TRIM24: variants seen among roughly 807,000 people sequenced by gnomAD.
TRIM24 encodes the protein tripartite motif containing 24, also known as transcription intermediary factor 1-alpha.
TRIM24 carries 29 observed loss-of-function variants against 123.9 expected under a neutral mutation model. The observed-to-expected ratio is 0.23, with a 90% CI of 0.17 to 0.32. The LOEUF (loss-of-function observed/expected upper bound fraction) is 0.32, where lower values mean the gene tolerates loss of function less well. TRIM24 is among the 10% of genes least tolerant of loss of function. The pLI, the probability that TRIM24 is intolerant of heterozygous loss-of-function variation, is 1.00. For missense variants in TRIM24, 932 were observed against 1,295.3 expected (o/e 0.72, Z 4.31); for synonymous variants, 456 against 461.1 (o/e 0.99, Z 0.14).
At position 138,525,282 on chromosome 7, in the gene TRIM24, T is replaced by C. The variant is rs756804051; in HGVS notation, c.806T>C (p.Ile269Thr). 1 of 1,517,832 alleles carries C rather than the reference T, an allele frequency of 6.6e-7. No individual in the cohort carries two copies. The highest frequency in any genetic ancestry group is 8.8e-7 in the Non-Finnish European group (1 of 1,138,486). The allele number at this position is 1,517,832 out of a possible 1,614,324, so 94.0% of individuals were successfully genotyped here. Residue 269 changes from isoleucine to threonine, a missense_variant, in exon 5 of 19, where the codon ATC becomes ACC. Coordinates refer to ENST00000343526, the MANE Select transcript of TRIM24 (RefSeq NM_015905.3). The part of the protein sequence containing the change: ...IEEAFQNQKV[I>T]IDTLITKLME... The stretch of plus-strand genomic sequence containing the variant: ...GAAGCTTTTCAGAATCAGAAAGTGA[T>C]CATAGATACACTAATCACCAAACTG...
At position 138,576,413 on chromosome 7, in the gene TRIM24, A is replaced by G. The variant is rs1797760053; in HGVS notation, c.2055A>G (p.Ser685=). The part of the protein sequence containing the change: ...TMTSVHPPIR[S]PSASSVGSRG... Reference sequence around the variant, plus strand: ...CTAGTGTACACCCCCCAATACGTTCACCTAGTGCCTCCAGCGTTGGAAGCC... The same window carrying G: ...CTAGTGTACACCCCCCAATACGTTCGCCTAGTGCCTCCAGCGTTGGAAGCC... Residue 685 remains serine, a synonymous_variant, in exon 13 of 19, where the codon TCA becomes TCG. Coordinates refer to ENST00000343526, the MANE Select transcript of TRIM24 (RefSeq NM_015905.3). The G allele has an allele frequency of 6.2e-7, 1 of 1,613,836 alleles. No individual in the cohort carries two copies. The highest frequency in any genetic ancestry group is 8.5e-7 in the Non-Finnish European group (1 of 1,179,802).
At chr7:138,477,567 A>T (rs1427653596) in intron 1 of TRIM24, among the ~76,000 whole-genome samples, 3 of 152,206 alleles carry the variant, frequency 2.0e-5, no homozygotes. Context: ...ATAGTAAAGG[A>T]TTTTTGAAAC....
At chr7:138,491,218 G>A (rs1795773418) in intron 1 of TRIM24, 1 of 239,288 alleles carries the variant, frequency 4.2e-6, no homozygotes, top group Non-Finnish European at 8.5e-6. Flanking sequence ...TTTGTTCCTT[G>A]GTTTTGGTGA....
intron 7 of TRIM24, among the ~76,000 whole-genome samples, chr7:138,550,349 A>G (rs1797186894): frequency 7.1e-6 from 1 of 140,224 alleles, no homozygotes; most frequent in Non-Finnish European, 1.6e-5. Flanking sequence ...GTGTGTGCAA[A>G]GTCTTACAGG....
chr7:138,501,349 G>T (rs35999756), intron 1 of TRIM24, among the ~76,000 whole-genome samples: 1 of 151,982 alleles, frequency 6.6e-6, no homozygotes, highest in Non-Finnish European at 1.5e-5. Flanking sequence ...TCCTGCCTCA[G>T]CCTCCTGAGT....
intron 1 of TRIM24, among the ~76,000 whole-genome samples, chr7:138,479,673 A>G (rs1795483060): frequency 6.6e-6 from 1 of 151,082 alleles, no homozygotes; most frequent in Non-Finnish European, 1.5e-5. Context: ...ACGCCTGGCT[A>G]ATTTTGTATT....
At chr7:138,564,279 G>A (rs559312380) in intron 9 of TRIM24, among the ~76,000 whole-genome samples, 53 of 152,258 alleles carry the variant, frequency 3.5e-4, no homozygotes, top group Middle Eastern at 3.4e-3. Flanking sequence ...TGACCAGATT[G>A]GAGGCAGCCC....
Position 138,567,567 on chromosome 7 carries a change from A to T in TRIM24, c.1617A>T (p.Arg539Ser). The change falls in exon 10 of 19, where the codon AGA (arginine) becomes AGT (serine). Residue 539 changes from arginine (R) to serine (S), a missense_variant. This residue lies in a region of TRIM24 where 527 missense variants were observed against 691.3 expected (regional missense o/e 0.76). Transcript: ENST00000343526. Reference protein sequence around the residue: ...PVLPPHPQQLRYPPNQNIPRQ... With the variant: ...PVLPPHPQQLSYPPNQNIPRQ... ...TTCCTCCTCATCCTCAACAACTGAG[A>T]TATCCACCAAACCAGAACATACCAC... The T allele has an allele frequency of 6.2e-7, 1 of 1,614,060 alleles. No individual in the cohort carries two copies. The highest frequency in any genetic ancestry group is 8.5e-7 in the Non-Finnish European group (1 of 1,179,976).
intron 5 of TRIM24, among the ~76,000 whole-genome samples, chr7:138,526,499 A>T (rs1796613446): frequency 6.6e-6 from 1 of 151,582 alleles, no homozygotes; most frequent in Non-Finnish European, 1.5e-5. Context: ...GCTGGAGTGC[A>T]GTGGTGTGAT....
chr7:138,569,029 T>C (rs965995896), intron 10 of TRIM24, among the ~76,000 whole-genome samples: 1 of 152,216 alleles, frequency 6.6e-6, no homozygotes, highest in African/African-American at 2.4e-5. Flanking sequence ...TACCTATTAT[T>C]TCATCATTAG....
rs1795270733 is a variant in TRIM24, at chr7:138,471,470, G to A, written c.364+10558G>A. Among the ~76,000 whole-genome samples, 4 of 151,498 alleles carry A rather than the reference G, an allele frequency of 2.6e-5. 1 individual carries two copies. In the South Asian group the frequency reaches 8.4e-4, roughly 32 times the overall value. ...CTTATTTCTCAAAGGACTTTCTTCTGATTTTTTTTCTAATATAAATAATCT... is the reference window on the plus strand; with the variant it reads ...CTTATTTCTCAAAGGACTTTCTTCTAATTTTTTTTCTAATATAAATAATCT... On this transcript the variant is annotated intron_variant, in intron 1 of 18. Coordinates refer to ENST00000343526, the MANE Select transcript of TRIM24 (RefSeq NM_015905.3).
chr7:138,530,371 T>C (rs907485504), intron 6 of TRIM24, among the ~76,000 whole-genome samples: 2 of 152,130 alleles, frequency 1.3e-5, no homozygotes, highest in Non-Finnish European at 2.9e-5. Flanking sequence ...TCAGAATCAC[T>C]TGAAGAGCTT....
Position 138,577,434 on chromosome 7 carries a change from G to T in TRIM24, c.2102G>T (p.Ser701Ile). 2 of 1,573,792 alleles carry T rather than the reference G, an allele frequency of 1.3e-6. No individual in the cohort carries two copies. The highest frequency in any genetic ancestry group is 1.7e-6 in the Non-Finnish European group (2 of 1,162,794). The change falls in exon 14 of 19, where the codon AGC becomes ATC. Residue 701 changes from serine (S) to isoleucine (I), a missense_variant. By Grantham distance (142) the Ser-to-Ile change is moderately radical. Coordinates refer to ENST00000343526, the MANE Select transcript of TRIM24 (RefSeq NM_015905.3). ...CATACTTACAGCTCTGGCTCTTCCA[G>T]CAAACCAGCAGGAGCTGACTCTACA... Reference protein sequence around the residue: ...VGSRGSSGSSSKPAGADSTHK... With the variant: ...VGSRGSSGSSIKPAGADSTHK...
At chr7:138,499,892 A>T (rs959812565) in intron 1 of TRIM24, among the ~76,000 whole-genome samples, 2 of 150,884 alleles carry the variant, frequency 1.3e-5, no homozygotes, top group East Asian at 3.9e-4. Context: ...TTATTTATGT[A>T]TGTAAGAGTC....
In TRIM24 at chr7:138,508,694, C is replaced by G. The variant is rs79144020; in HGVS notation, c.483+4286C>G. On this transcript the variant is annotated intron_variant, in intron 2 of 18. Transcript: ENST00000343526. ...GTGTGTGTGTGTGTGTGTGTGTGTGCGCGCGCGTGTGTGCGTGTGTGTGTG... is the reference window on the plus strand; with the variant it reads ...GTGTGTGTGTGTGTGTGTGTGTGTGGGCGCGCGTGTGTGCGTGTGTGTGTG... Among the ~76,000 whole-genome samples, 3 of 30,676 alleles carry G rather than the reference C, an allele frequency of 9.8e-5. No individual in the cohort carries two copies. The East Asian group carries it at 3.7e-3, about 38-fold the overall frequency. The allele number at this position is 30,676 out of a possible 152,430, so 20.1% of individuals were successfully genotyped here. A position where few individuals can be genotyped will look rare whatever the true frequency, so the allele number is the denominator to read the frequency against.
chr7:138,584,137 G>A lies in TRIM24; in HGVS notation c.2943+138G>A, dbSNP rs995223931. The A allele has an allele frequency of 1.2e-5, 11 of 924,244 alleles. No homozygotes were observed. The African/African-American group carries it at 1.9e-4, about 16-fold the overall frequency. The allele number at this position is 924,244 out of a possible 1,614,324, so 57.3% of individuals were successfully genotyped here. ...CAACTTTTCAGATCAGGGAATGCAA[G>A]AGATAATTCAGATAACTCTGTCCAC... On this transcript the variant is annotated intron_variant, in intron 18 of 18. Coordinates refer to ENST00000343526, the MANE Select transcript of TRIM24 (RefSeq NM_015905.3).
chr7:138,519,330 A>G lies in TRIM24; in HGVS notation c.764+9A>G. On this transcript the variant is annotated intron_variant, in intron 4 of 18. Coordinates refer to ENST00000343526, the MANE Select transcript of TRIM24 (RefSeq NM_015905.3). ...GAACATAAAGAGCATAGGTACCAGCATCTTTGGTTATATATATAGATTCAT... is the reference window on the plus strand; with the variant it reads ...GAACATAAAGAGCATAGGTACCAGCGTCTTTGGTTATATATATAGATTCAT... 1 of 1,595,028 alleles carries G rather than the reference A, an allele frequency of 6.3e-7. No homozygotes were observed. The highest frequency in any genetic ancestry group is 1.3e-5 in the African/African-American group (1 of 74,092).
At chr7:138,491,618 C>T (rs951805770) in intron 1 of TRIM24, among the ~76,000 whole-genome samples, 37 of 152,142 alleles carry the variant, frequency 2.4e-4, no homozygotes, top group Non-Finnish European at 5.3e-4. Flanking sequence ...CTCTTTAGCT[C>T]TTACGAATAA....
chr7:138,573,960 C>T (rs754128522), intron 12 of TRIM24, among the ~76,000 whole-genome samples: 4 of 152,110 alleles, frequency 2.6e-5, no homozygotes, highest in Admixed American at 6.5e-5. Context: ...CTCTACCAAA[C>T]GTGGCTAATA....
Sources: allele counts gnomAD v4.1 joint callset (sites outside exome capture counted in the v4.1 genomes callset), GRCh38; gene constraint gnomAD v4.1.1; regional missense constraint gnomAD v4.1.1; transcripts MANE v1.5; gene names NCBI Gene and HGNC (gene_info 2026-07-23, HGNC 2026-07-21).